The following KMT2C variants were observed in gnomAD, a reference collection of about 807,000 sequenced individuals.
KMT2C encodes lysine methyltransferase 2C.
Under a neutral mutation model 507.9 loss-of-function variants are expected in KMT2C, and 88 were observed. The observed-to-expected ratio is 0.17, with a 90% confidence interval of 0.15 to 0.21. The LOEUF (loss-of-function observed/expected upper bound fraction) is 0.21, where lower values mean the gene tolerates loss of function less well. Ranked by LOEUF, KMT2C falls within the 10% of genes least tolerant of loss-of-function variation. KMT2C has a pLI of 1.00. For missense variants in KMT2C, 4,954 were observed against 5,957.8 expected, an observed-to-expected ratio of 0.83 and a Z score of 5.55; for synonymous variants, 2,049 against 2,080.8, an observed-to-expected ratio of 0.98 and a Z score of 0.42.
At chr7:152,344,703 G>T (rs926756495) in intron 2 of KMT2C, among the ~76,000 whole-genome samples, 1 of 152,102 alleles carries the variant, frequency 6.6e-6, no homozygotes, top group African/African-American at 2.4e-5. Context: ...ACCACAAAAG[G>T]CAGGCTGGGC....
chr7:152,388,338 C>T (rs1278897875), intron 1 of KMT2C, among the ~76,000 whole-genome samples: 1 of 151,944 alleles, frequency 6.6e-6, no homozygotes, highest in Non-Finnish European at 1.5e-5. Context: ...GTGGGTGGAC[C>T]TCCTGAGGTC....
In KMT2C at chr7:152,215,688, T is replaced by TATATATATATATATATATATATAC. The variant is rs766518165; in HGVS notation, c.3712+4834_3712+4835insGTATATATATATATATATATATAT. On this transcript the variant is annotated intron_variant, in intron 23 of 58. Coordinates refer to ENST00000262189, the MANE Select transcript of KMT2C (RefSeq NM_170606.3). ...ACAAAAGGAACAAAATATATATATA[T>TATATATATATATATATATATATAC]ACACACACACATACACACACAAAAT... Among the ~76,000 whole-genome samples the TATATATATATATATATATATATAC allele has an allele frequency of 4.2e-4, 57 of 134,488 alleles. 3 individuals are homozygous for TATATATATATATATATATATATAC. The highest frequency in any genetic ancestry group is 1.9e-3 in the African/African-American group (56 of 29,662). The allele number at this position is 134,488 out of a possible 152,430, so 88.2% of individuals were successfully genotyped here. A position where few individuals can be genotyped will look rare whatever the true frequency, so the allele number is the denominator to read the frequency against.
chr7:152,360,706 G>T lies in KMT2C; in HGVS notation c.162-2031C>A, dbSNP rs2097189970. Among the ~76,000 whole-genome samples the T allele has an allele frequency of 2.6e-5, 4 of 151,746 alleles. No homozygotes were observed. In the South Asian group the frequency reaches 8.3e-4, roughly 32 times the overall value. ...ACAAAAACAAAAAGAAAAATTAGCT[G>T]GGCATGGTGGCACATGCCTGTAATC... On this transcript the variant is annotated intron_variant, in intron 1 of 58. Coordinates refer to ENST00000262189, the MANE Select transcript of KMT2C (RefSeq NM_170606.3).
intron 23 of KMT2C, among the ~76,000 whole-genome samples, chr7:152,211,346 G>C (rs1043699340): frequency 1.3e-5 from 2 of 152,308 alleles, no homozygotes; most frequent in South Asian, 4.1e-4. Flanking sequence ...TTCTCTGTCA[G>C]GGAGCTATGG....
chr7:152,414,561 G>A (rs548588402), intron 1 of KMT2C, among the ~76,000 whole-genome samples: 26 of 152,112 alleles, frequency 1.7e-4, no homozygotes, highest in African/African-American at 6.3e-4. Context: ...AGTTGCCAAT[G>A]TGAAAACTAC....
intron 7 of KMT2C, among the ~76,000 whole-genome samples, chr7:152,271,673 C>CAAAA (rs35698920): frequency 2.9e-4 from 16 of 54,972 alleles, no homozygotes; most frequent in African/African-American, 7.6e-4. Context: ...GACTCCATCT[C>CAAAA]AAAAAAAAAA....
intron 23 of KMT2C, 131 bp downstream of exon 23, chr7:152,220,392 G>C (rs2094728066): frequency 2.8e-6 from 2 of 721,522 alleles, no homozygotes; most frequent in Non-Finnish European, 4.7e-6. Context: ...GAAATGGCAA[G>C]GGTCAGTCAC....
intron 18 of KMT2C, among the ~76,000 whole-genome samples, chr7:152,227,493 T>C (rs549614604): frequency 6.6e-6 from 1 of 152,326 alleles, no homozygotes; most frequent in East Asian, 1.9e-4. Flanking sequence ...TTTTCAGATA[T>C]TGGACAACAC....
At chr7:152,172,591 G>C (rs2093014500) in intron 39 of KMT2C, among the ~76,000 whole-genome samples, 1 of 152,196 alleles carries the variant, frequency 6.6e-6, no homozygotes, top group African/African-American at 2.4e-5. Context: ...AGCTACTCCA[G>C]AGGCTGATGC....
At chr7:152,335,233 C>T (rs1320715467) in intron 2 of KMT2C, among the ~76,000 whole-genome samples, 1 of 152,198 alleles carries the variant, frequency 6.6e-6, no homozygotes, top group Non-Finnish European at 1.5e-5. Flanking sequence ...GAGAGACTCT[C>T]TCTGCCTGCC....
intron 1 of KMT2C, among the ~76,000 whole-genome samples, chr7:152,431,739 C>T (rs537533647): frequency 1.3e-5 from 2 of 152,034 alleles, no homozygotes; most frequent in East Asian, 3.9e-4. Context: ...CATTTCAGTG[C>T]CTATTGAGTC....
chr7:152,252,702 C>G lies in KMT2C; in HGVS notation c.1313G>C (p.Cys438Ser). 6.3e-7 allele frequency: 1 copy of G among 1,596,804 alleles called. No individual in the cohort carries two copies. Among genetic ancestry groups the G allele is most frequent in the Non-Finnish European group, 8.6e-7 (1 of 1,168,856 alleles). ...NGWKCKNCRI[C>S]IECGTRSSSQ... The stretch of plus-strand genomic sequence containing the variant: ...ACTAGACCGTGTGCCACACTCTATA[C>G]ATATTCTGCAATTCTAAACACCAGG... The change falls in exon 10 of 59, where the codon TGT becomes TCT. Residue 438 changes from cysteine (C) to serine (S), a missense_variant. Cys to Ser is a moderately radical substitution (Grantham distance 112). Transcript: ENST00000262189.
intron 9 of KMT2C, among the ~76,000 whole-genome samples, chr7:152,255,766 G>A (rs2095650866): frequency 6.6e-6 from 1 of 152,172 alleles, no homozygotes; most frequent in Non-Finnish European, 1.5e-5. Flanking sequence ...GGCAAAGACA[G>A]TCTTTTTAAT....
intron 6 of KMT2C, among the ~76,000 whole-genome samples, chr7:152,304,782 C>T (rs1461365100): frequency 2.0e-5 from 3 of 152,126 alleles, no homozygotes; most frequent in African/African-American, 7.2e-5. Context: ...CTCAAGAAAT[C>T]CTCCCATCTT....
At chr7:152,332,985 T>C (rs968585133) in intron 2 of KMT2C, among the ~76,000 whole-genome samples, 1 of 152,028 alleles carries the variant, frequency 6.6e-6, no homozygotes, top group Non-Finnish European at 1.5e-5. Flanking sequence ...TCCTAAAAGT[T>C]CACTTCACAC....
chr7:152,364,934 G>GACAGACACACACACACAC (rs1554680382), intron 1 of KMT2C, among the ~76,000 whole-genome samples: 4 of 138,056 alleles, frequency 2.9e-5, no homozygotes, highest in African/African-American at 1.1e-4. Context: ...GAAACAGACA[G>GACAGACACACACACACAC]ACACACACAC....
rs777081646 is a variant in KMT2C at position 152,136,804 on chromosome 7, C to T, written c.*28G>A. ...GAATCGCCTCTTCCTAGGGACAAGC[C>T]GCCCGCTGAGCTAGCAAGGAATGCA... On this transcript the variant is annotated 3_prime_UTR_variant, in exon 59 of 59. Transcript: ENST00000262189. 3.9e-6 allele frequency: 6 copies of T among 1,544,566 alleles called. No homozygotes were observed. The highest frequency in any genetic ancestry group is 2.7e-5 in the African/African-American group (2 of 73,484).
intron 1 of KMT2C, chr7:152,368,083 C>A (rs1227496702): frequency 4.4e-6 from 4 of 905,020 alleles, no homozygotes. Context: ...GACTGTTTAC[C>A]TCTTGCTGTG....
intron 31 of KMT2C, among the ~76,000 whole-genome samples, chr7:152,193,684 C>A (rs760785500): frequency 2.0e-5 from 3 of 150,914 alleles, no homozygotes; most frequent in Non-Finnish European, 4.4e-5. Context: ...GGGGACAGTT[C>A]CACACACACA....
Sources: allele counts gnomAD v4.1 joint callset (sites outside exome capture counted in the v4.1 genomes callset), GRCh38; gene constraint gnomAD v4.1.1; transcripts MANE v1.5; gene names NCBI Gene and HGNC (gene_info 2026-07-23, HGNC 2026-07-21).